The following TUSC3 variants were observed in gnomAD, a reference collection of about 807,000 sequenced individuals.
TUSC3 encodes the protein dolichyl-diphosphooligosaccharide--protein glycosyltransferase subunit TUSC3.
TUSC3 carries 45 observed loss-of-function variants against 44.8 expected under a neutral mutation model. The ratio of observed to expected loss-of-function variants is 1.00; its 90% CI spans 0.79 to 1.29. The LOEUF is 1.29. Among genes scored for constraint, TUSC3 ranks in the 50% most tolerant of loss-of-function variants. TUSC3 has a pLI of 0.00. For missense variants in TUSC3, 519 were observed against 437.9 expected, an observed-to-expected ratio of 1.19 and a Z score of -1.65; for synonymous variants, 212 against 152.9, an observed-to-expected ratio of 1.39 and a Z score of -2.85.
rs1811002520 is a variant in TUSC3 at position 15,737,831 on chromosome 8, A to G, written c.863-5707A>G. On this transcript the variant is annotated intron_variant, in intron 7 of 10. Transcript: ENST00000503731. The stretch of plus-strand genomic sequence containing the variant: ...AAATGCCACGTAAGAACAGTGAGAG[A>G]TGATCATCTAGCTTCTTCCTGCATA... Among the ~76,000 whole-genome samples the G allele has an allele frequency of 2.6e-5, 4 of 152,164 alleles. No individual in the cohort carries two copies. The South Asian group carries it at 6.2e-4, about 24-fold the overall frequency.
At chr8:15,624,184 A>G (rs1054273095) in intron 2 of TUSC3, among the ~76,000 whole-genome samples, 1 of 152,222 alleles carries the variant, frequency 6.6e-6, no homozygotes, top group African/African-American at 2.4e-5. Context: ...ATAATGTTCC[A>G]TTATATGGAT....
chr8:15,755,951 G>C (rs1458955232), intron 9 of TUSC3, among the ~76,000 whole-genome samples: 1 of 152,068 alleles, frequency 6.6e-6, no homozygotes, highest in East Asian at 1.9e-4. Context: ...GTTTCCTTTA[G>C]AAGATGTCTG....
At chr8:15,718,242 T>A (rs1228652669) in intron 6 of TUSC3, among the ~76,000 whole-genome samples, 1 of 152,060 alleles carries the variant, frequency 6.6e-6, no homozygotes, top group Non-Finnish European at 1.5e-5. Flanking sequence ...TCAGACAGAA[T>A]CAGTTGGGTC....
Position 15,669,013 on chromosome 8 carries a change from C to T in TUSC3, c.709-4734C>T, listed in dbSNP as rs114415791. Among the ~76,000 whole-genome samples, 591 of 151,822 alleles carry T rather than the reference C, an allele frequency of 3.9e-3. 8 individuals are homozygous for T. The highest frequency in any genetic ancestry group is 0.014 in the African/African-American group (576 of 41,498). ...TTGCAATCTTGTGAATTAGAAGTTA[C>T]AATTTGGGACCCACTGGACTCTTAT... On this transcript the variant is annotated intron_variant, in intron 5 of 10. Coordinates refer to ENST00000503731, the MANE Select transcript of TUSC3 (RefSeq NM_006765.4).
At chr8:15,741,447 A>C (rs557281850) in intron 7 of TUSC3, among the ~76,000 whole-genome samples, 63 of 152,168 alleles carry the variant, frequency 4.1e-4, no homozygotes, top group Non-Finnish European at 4.3e-4. Flanking sequence ...GGTGGCTCAC[A>C]ACTGTAATCC....
chr8:15,775,981 A>G, the TUSC3 span, among the ~76,000 whole-genome samples: 1 of 151,970 alleles, frequency 6.6e-6, no homozygotes, highest in Non-Finnish European at 1.5e-5. Flanking sequence ...GATGAGGTTA[A>G]TAATTTCTCA....
At chr8:15,427,514 GC>G (rs1272777945) in intron 1 of TUSC3, among the ~76,000 whole-genome samples, 1 of 152,150 alleles carries the variant, frequency 6.6e-6, no homozygotes, top group African/African-American at 2.4e-5. Flanking sequence ...CCAGAAGTAT[GC>G]CAACGTATAA....
At chr8:15,830,610 A>T in the TUSC3 span, among the ~76,000 whole-genome samples, 76,529 of 152,046 alleles carry the variant, frequency 0.5, 20,517 homozygotes, top group Non-Finnish European at 0.61. Context: ...CTTATGTAGC[A>T]ACACAGGTAG....
intron 9 of TUSC3, among the ~76,000 whole-genome samples, chr8:15,754,954 C>T (rs1811863657): frequency 6.6e-6 from 1 of 151,900 alleles, no homozygotes; most frequent in Non-Finnish European, 1.5e-5. Flanking sequence ...TTTTTCAGTA[C>T]TTCATAGTAC....
chr8:15,840,369 A>C, the TUSC3 span, among the ~76,000 whole-genome samples: 1 of 152,160 alleles, frequency 6.6e-6, no homozygotes, highest in African/African-American at 2.4e-5. Flanking sequence ...TAGAACTTAA[A>C]GTATAATTTA....
intron 2 of TUSC3, among the ~76,000 whole-genome samples, chr8:15,631,511 A>G (rs1179674063): frequency 6.6e-6 from 1 of 152,196 alleles, no homozygotes; most frequent in Non-Finnish European, 1.5e-5. Context: ...ACCAAAATTC[A>G]CTAATTAGTA....
At chr8:15,650,850 G>C in intron 3 of TUSC3, 36 bp downstream of exon 3, 3 of 1,579,644 alleles carry the variant, frequency 1.9e-6, no homozygotes, top group Non-Finnish European at 2.6e-6. Flanking sequence ...ATTTAACATA[G>C]TTGTTTGTGG....
chr8:15,418,690 A>G (rs1199548430), intron 1 of TUSC3, among the ~76,000 whole-genome samples: 4 of 152,202 alleles, frequency 2.6e-5, no homozygotes, highest in Admixed American at 1.3e-4. Context: ...GTTTTTGTCA[A>G]TACCTAAGAG....
At chr8:15,692,662 T>C (rs1227209928) in intron 6 of TUSC3, among the ~76,000 whole-genome samples, 1 of 90,128 alleles carries the variant, frequency 1.1e-5, no homozygotes. Context: ...TTCTGAGGGC[T>C]TTTTTTTTTT....
At chr8:15,477,773 T>G (rs755773885) in intron 1 of TUSC3, among the ~76,000 whole-genome samples, 3 of 152,082 alleles carry the variant, frequency 2.0e-5, no homozygotes, top group Non-Finnish European at 4.4e-5. Context: ...TATACACATA[T>G]AGTGTTTTCA....
chr8:15,498,211 T>C (rs1468925269), intron 2 of TUSC3, among the ~76,000 whole-genome samples: 1 of 152,120 alleles, frequency 6.6e-6, no homozygotes, highest in Non-Finnish European at 1.5e-5. Flanking sequence ...GGAATGTAGG[T>C]TTTAACCTTA....
intron 6 of TUSC3, among the ~76,000 whole-genome samples, chr8:15,683,162 A>G (rs1309328187): frequency 1.3e-5 from 2 of 152,028 alleles, no homozygotes; most frequent in Non-Finnish European, 2.9e-5. Flanking sequence ...CTTGCAGGGA[A>G]TCTCTGCATT....
intron 2 of TUSC3, among the ~76,000 whole-genome samples, chr8:15,512,047 G>C (rs1337979833): frequency 6.6e-6 from 1 of 152,136 alleles, no homozygotes; most frequent in Non-Finnish European, 1.5e-5. Flanking sequence ...AAAGAACCTA[G>C]AAGATCCAGA....
At chr8:15,522,687 C>A (rs373268237) in intron 2 of TUSC3, among the ~76,000 whole-genome samples, 8 of 152,098 alleles carry the variant, frequency 5.3e-5, no homozygotes, top group African/African-American at 1.9e-4. Context: ...AAATCCAATC[C>A]AGGAGACAGG....
Sources: gnomAD v4.1 joint callset for allele counts (sites outside exome capture counted in the v4.1 genomes callset) on GRCh38, gnomAD v4.1.1 for gene constraint, MANE v1.5 for transcripts, NCBI Gene and HGNC (gene_info 2026-07-23, HGNC 2026-07-21) for gene names.